Variants in DAXX observed in about 807,000 individuals in gnomAD.
DAXX encodes the protein death domain associated protein.
In DAXX, 24 loss-of-function variants were observed where a neutral mutation model predicts 61.9. The observed-to-expected ratio is 0.39, with a 90% confidence interval of 0.28 to 0.55. The LOEUF is 0.55. Among genes scored for constraint, DAXX ranks in the 20% least tolerant of loss-of-function variants. The probability of loss-of-function intolerance (pLI) is 0.69; values close to 1 mark genes in which losing one functional copy is unlikely to be tolerated. For missense variants in DAXX, 819 were observed against 935.3 expected, an observed-to-expected ratio of 0.88 and a Z score of 1.62; for synonymous variants, 357 against 369.5, an observed-to-expected ratio of 0.97 and a Z score of 0.39.
In DAXX at chr6:33,320,635, G is replaced by T; in HGVS notation, c.1040-44C>A. ...AGTCAGAGCACTCAGCCCTTGAAGGGACTAGAAGAGTAAAAACCCTAGAAA... is the reference window on the plus strand; with the variant it reads ...AGTCAGAGCACTCAGCCCTTGAAGGTACTAGAAGAGTAAAAACCCTAGAAA... On this transcript the variant is annotated intron_variant, in intron 3 of 7. Transcript: ENST00000374542. The surrounding 1 kb of genome is among the most constrained non-coding windows in gnomAD (Gnocchi z 7.1). The T allele has an allele frequency of 1.2e-6, 2 of 1,605,948 alleles. No individual in the cohort carries two copies. The highest frequency in any genetic ancestry group is 2.2e-5 in the South Asian group (2 of 90,288).
intron 1 of DAXX, 105 bp downstream of exon 1, chr6:33,322,757 A>C: frequency 3.2e-5 from 13 of 411,524 alleles, no homozygotes; most frequent in East Asian, 2.4e-4. Flanking sequence ...CAGGGACAGG[A>C]AGGTACCACA....
chr6:33,322,595 G>C, intron 1 of DAXX: 1 of 233,618 alleles, frequency 4.3e-6, no homozygotes. Context: ...CCATTCTCTC[G>C]GTGACCCGTA....
At position 33,321,230 on chromosome 6, in the gene DAXX, C is replaced by T. The variant is rs1196040105; in HGVS notation, c.545G>A (p.Arg182His). Reference protein sequence around the residue: ...ENTASQSPRTRGSRRQIQRLE... With the variant: ...ENTASQSPRTHGSRRQIQRLE... ...ACGCTGGATCTGCCGCCGGGAACCACGGGTCCTTGGAGACTGAGAGGCAGT... is the reference window on the plus strand; with the variant it reads ...ACGCTGGATCTGCCGCCGGGAACCATGGGTCCTTGGAGACTGAGAGGCAGT... Residue 182 changes from arginine to histidine, a missense_variant, in exon 3 of 8, where the codon CGT (arginine) becomes CAT (histidine). Arg to His is a conservative substitution (Grantham distance 29). Coordinates refer to ENST00000374542, the MANE Select transcript of DAXX (RefSeq NM_001141969.2). This position sits in a 1 kb window ranked among gnomAD's most constrained non-coding sequence, Gnocchi z 7.2. 7 of 1,612,594 alleles carry T rather than the reference C, an allele frequency of 4.3e-6. No homozygotes were observed. The highest frequency in any genetic ancestry group is 1.3e-5 in the African/African-American group (1 of 74,880).
rs1368493574 is a variant in DAXX, at chr6:33,319,535, C to T, written c.1785G>A (p.Glu595=). Residue 595 remains glutamate (E), a synonymous_variant, in exon 6 of 8, where the codon GAG becomes GAA. Transcript: ENST00000374542. ...DISSSRKQSE[E]PFTTVLENGA... is the part of the protein sequence containing the mutation. ...CATTCTCTAAGACAGTGGTGAAGGG[C>T]TCCTCTGATTGCTTCCTGGAAGAGG... 3.6e-5 allele frequency: 58 copies of T among 1,614,022 alleles called. No individual in the cohort carries two copies. The highest frequency in any genetic ancestry group is 4.2e-5 in the Non-Finnish European group (50 of 1,180,024).
chr6:33,321,442 C>T lies in DAXX; in HGVS notation c.333G>A (p.Arg111=), dbSNP rs2150997816. 1.9e-6 allele frequency: 3 copies of T among 1,613,922 alleles called. No individual in the cohort carries two copies. The highest frequency in any genetic ancestry group is 2.5e-6 in the Non-Finnish European group (3 of 1,179,908). The part of the protein sequence containing the change: ...ASAEFCNILS[R]VLSRARSRPA... ...GCCGGCTCCGGGCCCGAGACAGGACCCTAGAGAGGATGTTGCAGAACTCCG... is the reference window on the plus strand; with the variant it reads ...GCCGGCTCCGGGCCCGAGACAGGACTCTAGAGAGGATGTTGCAGAACTCCG... Residue 111 remains arginine, a synonymous_variant, in exon 3 of 8, where the codon AGG becomes AGA. Coordinates refer to ENST00000374542, the MANE Select transcript of DAXX (RefSeq NM_001141969.2). This position sits in a 1 kb window ranked among gnomAD's most constrained non-coding sequence, Gnocchi z 7.2.
rs760822142 is a variant in DAXX at position 33,318,734 on chromosome 6, G to A, written c.*9C>T. ...AGAACATTCTGGAGGCAGGGAGAAG[G>A]GGAGGCAGCTAATCAGAGTCTGAGA... On this transcript the variant is annotated 3_prime_UTR_variant, in exon 8 of 8. Transcript: ENST00000374542. 7.1e-7 allele frequency: 1 copy of A among 1,411,892 alleles called. No homozygotes were observed. The allele number at this position is 1,411,892 out of a possible 1,614,324, so 87.5% of individuals were successfully genotyped here.
chr6:33,319,282 C>T, intron 6 of DAXX, 63 bp from the exon 7 acceptor site: 1 of 1,558,432 alleles, frequency 6.4e-7, no homozygotes, highest in Non-Finnish European at 8.7e-7. Context: ...GGGGGGCAGT[C>T]CAGTCTCTCC....
chr6:33,319,397 T>TG lies in DAXX; in HGVS notation c.1922dup (p.Gly642ArgfsTer16), dbSNP rs759286823. 6.2e-7 allele frequency: 1 copy of TG among 1,612,616 alleles called. No homozygotes were observed. Among genetic ancestry groups the TG allele is most frequent in the Non-Finnish European group, 8.5e-7 (1 of 1,179,906 alleles). ...GTTATTACCTGTTTCCTAATGGCCC[T>TG]GATCCTGTTTGCTTCTTCTCCTTCC... On this transcript the variant is annotated frameshift_variant, in exon 6 of 8. Coordinates refer to ENST00000374542, the MANE Select transcript of DAXX (RefSeq NM_001141969.2). LOFTEE classifies it high-confidence loss of function.
intron 5 of DAXX, 23 bp from the exon 6 acceptor site, chr6:33,319,877 AG>A: frequency 1.3e-6 from 2 of 1,598,872 alleles, no homozygotes; most frequent in Non-Finnish European, 1.7e-6. Flanking sequence ...AAAAGGGGAG[AG>A]GGTAGCCTGA....
chr6:33,318,889 GA>G (rs2150986472), intron 7 of DAXX, 87 bp from the exon 8 acceptor site: 8 of 1,274,160 alleles, frequency 6.3e-6, no homozygotes, highest in South Asian at 1.3e-5. Context: ...AAATGGGTGG[GA>G]AAAAGGAAGA....
rs752628370 is a variant in DAXX at position 33,321,875 on chromosome 6, T to C, written c.51A>G (p.Glu17=). The C allele has an allele frequency of 5.6e-6, 9 of 1,612,034 alleles. No homozygotes were observed. Among genetic ancestry groups the C allele is most frequent in the Non-Finnish European group, 6.8e-6 (8 of 1,179,028 alleles). ...GGGAGGGCCCTGGCTGAGCAGCTGC[T>C]TCATCTTCGTCATCATCATCCAGCA... is the stretch of plus-strand genomic sequence containing the variant. ...IIVLDDDDED[E]AAAQPGPSHP... is the part of the protein sequence containing the mutation. Residue 17 remains glutamate, a synonymous_variant, in exon 2 of 8, where the codon GAA becomes GAG. Coordinates refer to ENST00000374542, the MANE Select transcript of DAXX (RefSeq NM_001141969.2). The surrounding 1 kb of genome is among the most constrained non-coding windows in gnomAD (Gnocchi z 7.2).
intron 1 of DAXX, chr6:33,322,591 T>A: frequency 4.1e-6 from 1 of 241,172 alleles, no homozygotes. Flanking sequence ...TTCCCCATTC[T>A]CTCGGTGACC....
At position 33,320,556 on chromosome 6, in the gene DAXX, G is replaced by A. The variant is rs200104639; in HGVS notation, c.1075C>T (p.Arg359Trp). The A allele has an allele frequency of 1.1e-5, 17 of 1,613,746 alleles. No individual in the cohort carries two copies. Among genetic ancestry groups the A allele is most frequent in the Admixed American group, 1.7e-5 (1 of 59,990 alleles). ...AAACTCCGGTTTTCCCGAAGGCGCC[G>A]GGCCAACACAGGATCTGATAGTGCA... ...DPALSDPVLARRLRENRSLAM... is the reference protein window; with the variant it reads ...DPALSDPVLAWRLRENRSLAM... Residue 359 changes from arginine to tryptophan, a missense_variant, in exon 4 of 8, where the codon CGG becomes TGG. Coordinates refer to ENST00000374542, the MANE Select transcript of DAXX (RefSeq NM_001141969.2). The surrounding 1 kb of genome is among the most constrained non-coding windows in gnomAD (Gnocchi z 7.1).
At chr6:33,319,321 T>C in intron 6 of DAXX, 59 bp downstream of exon 6, 1 of 1,572,184 alleles carries the variant, frequency 6.4e-7, no homozygotes, top group Non-Finnish European at 8.6e-7. Flanking sequence ...AGTATTGCTC[T>C]CCGAAAGTCC....
In DAXX at chr6:33,319,047, G is replaced by A. The variant is rs555856847; in HGVS notation, c.2113C>T (p.Arg705Trp). The change falls in exon 7 of 8, where the codon CGG becomes TGG. Residue 705 changes from arginine to tryptophan, a missense_variant. Coordinates refer to ENST00000374542, the MANE Select transcript of DAXX (RefSeq NM_001141969.2). ...TSSLCIPSPA[R>W]LSQTPHSQPP... ...TGTGAATGGGGGGTTTGGGACAGCC[G>A]GGCTGGAGAAGGGATGCAGAGGGAG... is the stretch of plus-strand genomic sequence containing the variant. The A allele has an allele frequency of 6.8e-5, 109 of 1,613,894 alleles. No individual in the cohort carries two copies. The highest frequency in any genetic ancestry group is 8.6e-5 in the Non-Finnish European group (101 of 1,180,042).
Position 33,320,369 on chromosome 6 carries a change from C to T in DAXX, c.1251+11G>A, listed in dbSNP as rs1770424120. 4 of 1,586,250 alleles carry T rather than the reference C, an allele frequency of 2.5e-6. No individual in the cohort carries two copies. The African/African-American group carries it at 4.0e-5, about 16-fold the overall frequency. On this transcript the variant is annotated intron_variant, in intron 4 of 7. Coordinates refer to ENST00000374542, the MANE Select transcript of DAXX (RefSeq NM_001141969.2). This position sits in a 1 kb window ranked among gnomAD's most constrained non-coding sequence, Gnocchi z 7.1. Reference sequence around the variant, plus strand: ...GACAATGTCTCTCTGAAGGCTGTACCCCATCCACACCTCACCAGAATCCAA... The same window carrying T: ...GACAATGTCTCTCTGAAGGCTGTACTCCATCCACACCTCACCAGAATCCAA...
rs1216363326 is a variant in DAXX, at chr6:33,318,794, C to T, written c.2172G>A (p.Val724=). 2 of 1,550,256 alleles carry T rather than the reference C, an allele frequency of 1.3e-6. No homozygotes were observed. Among genetic ancestry groups the T allele is most frequent in the Non-Finnish European group, 1.8e-6 (2 of 1,136,502 alleles). The change falls in exon 8 of 8, where the codon GTG becomes GTA. Residue 724 remains valine (V), a synonymous_variant. Coordinates refer to ENST00000374542, the MANE Select transcript of DAXX (RefSeq NM_001141969.2). ...PPRPGTCKTS[V]ATQCDPEEII... is the part of the protein sequence containing the mutation. ...TCTCTTCTGGATCGCATTGTGTGGC[C>T]ACACTTGTCTGCAGGGAAGTGAGAG...
chr6:33,319,015 A>G lies in DAXX; in HGVS notation c.2145T>C (p.Pro715=). ...RLSQTPHSQP[P]RPGTCKTSVA... is the part of the protein sequence containing the mutation. ...TTCTTACCTTGCAAGTACCAGGCCG[A>G]GGAGGCTGTGAATGGGGGGTTTGGG... Residue 715 remains proline, a synonymous_variant, in exon 7 of 8, where the codon CCT becomes CCC. Coordinates refer to ENST00000374542, the MANE Select transcript of DAXX (RefSeq NM_001141969.2). The G allele has an allele frequency of 6.2e-7, 1 of 1,613,378 alleles. No individual in the cohort carries two copies. Among genetic ancestry groups the G allele is most frequent in the Non-Finnish European group, 8.5e-7 (1 of 1,179,898 alleles).
chr6:33,319,129 G>C lies in DAXX; in HGVS notation c.2031C>G (p.Ala677=). The part of the protein sequence containing the change: ...PSPPSPLASL[A]PVADSSTRVD... The stretch of plus-strand genomic sequence containing the variant: ...CCCTCGTGGAGGAATCAGCAACTGG[G>C]GCCAAGGAAGCCAAGGGGGAAGGTG... The change falls in exon 7 of 8, where the codon GCC becomes GCG. Residue 677 remains alanine, a synonymous_variant. Transcript: ENST00000374542. 9 of 1,614,164 alleles carry C rather than the reference G, an allele frequency of 5.6e-6. No individual in the cohort carries two copies. The highest frequency in any genetic ancestry group is 7.6e-6 in the Non-Finnish European group (9 of 1,180,034).
Sources: gnomAD v4.1 joint callset for allele counts on GRCh38, gnomAD v4.1.1 for gene constraint, Gnocchi (gnomAD v3.1) non-coding constraint, MANE v1.5 for transcripts, NCBI Gene and HGNC (gene_info 2026-07-23, HGNC 2026-07-21) for gene names.